Variants in SUCO observed in about 807,000 individuals in gnomAD.
SUCO encodes SUN domain-containing ossification factor.
In SUCO, 57 loss-of-function variants were observed where a neutral mutation model predicts 148.1. That is an observed-to-expected ratio of 0.38 (90% CI 0.31 to 0.48). SUCO has a LOEUF of 0.48. SUCO is among the 20% of genes least tolerant of loss of function. SUCO has a pLI of 0.96. For missense variants in SUCO, 1,331 were observed against 1,468.2 expected (o/e 0.91, Z 1.53); for synonymous variants, 470 against 502.7 (o/e 0.93, Z 0.87).
intron 10 of SUCO, chr1:172,574,964 A>G (rs1655325820): frequency 2.3e-6 from 2 of 869,334 alleles, no homozygotes; most frequent in African/African-American, 1.8e-5. Flanking sequence ...CACAGCTCTG[A>G]TAAGTAAAGT....
At chr1:172,567,782 C>T (rs1048667750) in intron 6 of SUCO, among the ~76,000 whole-genome samples, 11 of 152,142 alleles carry the variant, frequency 7.2e-5, no homozygotes, top group Non-Finnish European at 1.2e-4. Context: ...AAATTTTAAA[C>T]TCCTTTTAGC....
rs531424971 is a variant in SUCO, at chr1:172,536,534, C to T, written c.62+3037C>T. 2.0e-5 allele frequency among the ~76,000 whole-genome samples: 3 copies of T among 152,256 alleles called. No individual in the cohort carries two copies. In the South Asian group the frequency reaches 6.2e-4, roughly 32 times the overall value. ...CTACTGTGCCAGATGTTTTTATGAG[C>T]ACCGAAAATCCAAGATAGAGGGTCA... On this transcript the variant is annotated intron_variant, in intron 1 of 23. Transcript: ENST00000263688.
rs143455467 is a variant in SUCO at position 172,578,355 on chromosome 1, C to T, written c.1398C>T (p.His466=). The T allele has an allele frequency of 9.9e-6, 16 of 1,612,454 alleles. No homozygotes were observed. The highest frequency in any genetic ancestry group is 5.3e-5 in the African/African-American group (4 of 74,852). ...EYEEIADSQY[H]SERQELFDED... Reference sequence around the variant, plus strand: ...AAGAAATTGCTGATTCCCAGTATCACTCAGAACGCCAGGAACTATTTGATG... The same window carrying T: ...AAGAAATTGCTGATTCCCAGTATCATTCAGAACGCCAGGAACTATTTGATG... The change falls in exon 14 of 24, where the codon CAC becomes CAT. Residue 466 remains histidine (H), a synonymous_variant. Transcript: ENST00000263688.
rs1399946407 is a variant in SUCO at position 172,553,348 on chromosome 1, A to G, written c.266A>G (p.Asp89Gly). The G allele has an allele frequency of 2.5e-6, 4 of 1,602,250 alleles. No homozygotes were observed. Among genetic ancestry groups the G allele is most frequent in the South Asian group, 1.1e-5 (1 of 89,706 alleles). The change falls in exon 3 of 24, where the codon GAT becomes GGT. Residue 89 changes from aspartate (D) to glycine (G), a missense_variant. Transcript: ENST00000263688. Reference protein sequence around the residue: ...PISPKEHKLKDDSIVDVQNTE... With the variant: ...PISPKEHKLKGDSIVDVQNTE... Reference sequence around the variant, plus strand: ...TCTCCAAAAGAACATAAATTAAAAGATGATTCTATTGTGGATGTACAAGTA... The same window carrying G: ...TCTCCAAAAGAACATAAATTAAAAGGTGATTCTATTGTGGATGTACAAGTA...
chr1:172,562,547 A>G (rs1386857151), intron 6 of SUCO, among the ~76,000 whole-genome samples: 1 of 152,166 alleles, frequency 6.6e-6, no homozygotes. Context: ...GGCCATGGCC[A>G]GGATGGTCTT....
chr1:172,539,931 T>C (rs1649720624), intron 1 of SUCO, among the ~76,000 whole-genome samples: 1 of 152,230 alleles, frequency 6.6e-6, no homozygotes, highest in South Asian at 2.1e-4. Flanking sequence ...GATAGTGGTG[T>C]AGTGTGAAAG....
intron 10 of SUCO, among the ~76,000 whole-genome samples, chr1:172,575,274 G>A (rs1343758287): frequency 6.6e-6 from 1 of 151,916 alleles, no homozygotes; most frequent in Non-Finnish European, 1.5e-5. Flanking sequence ...CAAACCCCAA[G>A]AAGTGGTACT....
In SUCO at chr1:172,569,108, G is replaced by A; in HGVS notation, c.822G>A (p.Trp274Ter). ...AAGATATACCAACATTTGATGAATG[G>A]AAGAAGAAAGTTATGGAAGTAGAAA... The part of the protein sequence containing the change: ...DPEDIPTFDE[W>*]KKKVMEVEKE... The change falls in exon 7 of 24, where the codon TGG becomes TGA. Residue 274 changes from tryptophan to a stop codon, truncating the protein, a stop_gained. Transcript: ENST00000263688. LOFTEE classifies it high-confidence loss of function. 1 of 1,577,340 alleles carries A rather than the reference G, an allele frequency of 6.3e-7. No individual in the cohort carries two copies. Among genetic ancestry groups the A allele is most frequent in the Non-Finnish European group, 8.6e-7 (1 of 1,163,876 alleles).
At chr1:172,571,511 TG>T (rs1455589985) in intron 9 of SUCO, among the ~76,000 whole-genome samples, 34 of 147,610 alleles carry the variant, frequency 2.3e-4, no homozygotes, top group African/African-American at 8.3e-4. Context: ...AGTCTCTGCC[TG>T]GCCGCCCATC....
chr1:172,579,339 G>GA, intron 15 of SUCO, 72 bp downstream of exon 15: 1 of 941,852 alleles, frequency 1.1e-6, no homozygotes, highest in Non-Finnish European at 1.7e-6. Flanking sequence ...TTTTGTCATG[G>GA]TATGGTTGAG....
chr1:172,577,545 A>C lies in SUCO; in HGVS notation c.1270A>C (p.Ile424Leu), dbSNP rs1362755484. The C allele has an allele frequency of 9.3e-6, 15 of 1,610,768 alleles. No individual in the cohort carries two copies. The East Asian group carries it at 3.4e-4, about 36-fold the overall frequency. The change falls in exon 12 of 24, where the codon ATC becomes CTC. Residue 424 changes from isoleucine to leucine, a missense_variant. By Grantham distance (5) the Ile-to-Leu change is conservative. Coordinates refer to ENST00000263688, the MANE Select transcript of SUCO (RefSeq NM_014283.5). ...TTCCTTTCTCTTGCTTCAGATGTTC[A>C]TCAAGTACATAAAGGTTAGCAACCT... ...QMYAKYVKMF[I>L]KYIKVELLSH... is the part of the protein sequence containing the mutation.
At position 172,570,157 on chromosome 1, in the gene SUCO, A is replaced by G; in HGVS notation, c.967A>G (p.Asn323Asp). The G allele has an allele frequency of 6.3e-7, 1 of 1,579,522 alleles. No homozygotes were observed. Among genetic ancestry groups the G allele is most frequent in the Non-Finnish European group, 8.6e-7 (1 of 1,162,168 alleles). The part of the protein sequence containing the change: ...VECGAKILAA[N>D]PEAKSTSAIL... Reference sequence around the variant, plus strand: ...ATGTGGTGCCAAAATTCTAGCAGCTAATCCAGAAGCCAAGGTAGGTGTTTA... The same window carrying G: ...ATGTGGTGCCAAAATTCTAGCAGCTGATCCAGAAGCCAAGGTAGGTGTTTA... Residue 323 changes from asparagine (N) to aspartate (D), a missense_variant, in exon 8 of 24, where the codon AAT becomes GAT. By Grantham distance (23) the Asn-to-Asp change is conservative (BLOSUM62 1). Coordinates refer to ENST00000263688, the MANE Select transcript of SUCO (RefSeq NM_014283.5).
At chr1:172,597,346 AC>A (rs926430759) in intron 19 of SUCO, among the ~76,000 whole-genome samples, 6 of 152,096 alleles carry the variant, frequency 3.9e-5, no homozygotes, top group African/African-American at 1.4e-4. Flanking sequence ...TGCAGAAATC[AC>A]CCGTCTTCTG....
chr1:172,554,410 A>G (rs983964047), intron 3 of SUCO, among the ~76,000 whole-genome samples: 3 of 152,248 alleles, frequency 2.0e-5, no homozygotes, highest in African/African-American at 7.2e-5. Context: ...GCCATTAAGC[A>G]CTTGAAATGC....
intron 19 of SUCO, among the ~76,000 whole-genome samples, chr1:172,595,346 C>T (rs868614834): frequency 9.2e-5 from 14 of 152,162 alleles, no homozygotes; most frequent in African/African-American, 3.1e-4. Flanking sequence ...TTATTTTGCT[C>T]GTTAGTTCAT....
chr1:172,575,597 G>A lies in SUCO; in HGVS notation c.1237G>A (p.Glu413Lys). 3 of 1,611,378 alleles carry A rather than the reference G, an allele frequency of 1.9e-6. No homozygotes were observed. In the South Asian group the frequency reaches 3.3e-5, roughly 18 times the overall value. ...ERNVQSFPLDEQMYAKYVKMF... is the reference protein window; with the variant it reads ...ERNVQSFPLDKQMYAKYVKMF... The stretch of plus-strand genomic sequence containing the variant: ...GAATGTACAGAGTTTCCCTTTAGAT[G>A]AACAGATGTATGCAAAATATGTCAA... The change falls in exon 11 of 24, where the codon GAA becomes AAA. Residue 413 changes from glutamate (E) to lysine (K), a missense_variant. This residue lies in a region of SUCO where 992 missense variants were observed against 1,093.5 expected (regional missense o/e 0.91). Transcript: ENST00000263688.
Position 172,579,967 on chromosome 1 carries a change from C to T in SUCO, c.1498+700C>T, listed in dbSNP as rs932679999. 2.0e-5 allele frequency among the ~76,000 whole-genome samples: 3 copies of T among 151,954 alleles called. No individual in the cohort carries two copies. The South Asian group carries it at 6.2e-4, about 32-fold the overall frequency. ...TAATAAAAACAAATCTTAGTAAAAT[C>T]GAAGACTAGTTGCGTGTGCTTGTCA... is the stretch of plus-strand genomic sequence containing the variant. On this transcript the variant is annotated intron_variant, in intron 15 of 23. Coordinates refer to ENST00000263688, the MANE Select transcript of SUCO (RefSeq NM_014283.5).
chr1:172,570,890 C>G, intron 9 of SUCO, 160 bp downstream of exon 9: 1 of 512,126 alleles, frequency 2.0e-6, no homozygotes, highest in Admixed American at 3.7e-5. Flanking sequence ...CCTTCCTTTC[C>G]TTTTGAGGAG....
In SUCO at chr1:172,589,758, A is replaced by T. The variant is rs770429291; in HGVS notation, c.2657A>T (p.Asp886Val). The part of the protein sequence containing the change: ...LLRGLQRTAT[D>V]FYAELQNSTD... ...AGAGGGTTACAGAGGACAGCTACAG[A>T]TTTTTATGCTGAATTGCAAAATTCT... The change falls in exon 18 of 24, where the codon GAT (aspartate) becomes GTT (valine). Residue 886 changes from aspartate to valine, a missense_variant. Around this residue, in one of 3 missense-constraint regions of SUCO, gnomAD observed 992 missense variants for 1,093.5 expected, o/e 0.91. Transcript: ENST00000263688. The T allele has an allele frequency of 6.2e-7, 1 of 1,612,046 alleles. No individual in the cohort carries two copies.
Sources: allele counts gnomAD v4.1 joint callset (sites outside exome capture counted in the v4.1 genomes callset), GRCh38; gene constraint gnomAD v4.1.1; regional missense constraint gnomAD v4.1.1; transcripts MANE v1.5; gene names NCBI Gene and HGNC (gene_info 2026-07-23, HGNC 2026-07-21).